Variants in PTPRN2 observed in about 807,000 individuals in gnomAD.
The protein encoded by PTPRN2 is protein tyrosine phosphatase receptor type N2.
Under a neutral mutation model 118.8 loss-of-function variants are expected in PTPRN2, and 74 were observed. The ratio of observed to expected loss-of-function variants is 0.62; its 90% CI spans 0.52 to 0.76. PTPRN2 has a LOEUF of 0.76. Ranked by LOEUF, PTPRN2 falls within the 30% of genes least tolerant of loss-of-function variation. PTPRN2 has a pLI of 0.00. For missense variants in PTPRN2, 1,481 were observed against 1,394.4 expected (o/e 1.06, Z -0.99); for synonymous variants, 641 against 608.0 (o/e 1.05, Z -0.80).
At chr7:158,568,633 C>G (rs1049143098) in intron 1 of PTPRN2, among the ~76,000 whole-genome samples, 5 of 152,116 alleles carry the variant, frequency 3.3e-5, no homozygotes, top group African/African-American at 1.2e-4. Flanking sequence ...ACAGCTTTCA[C>G]CTATCACACT....
chr7:157,584,492 T>G (rs1285914366), intron 17 of PTPRN2, among the ~76,000 whole-genome samples: 1 of 152,266 alleles, frequency 6.6e-6, no homozygotes, highest in Non-Finnish European at 1.5e-5. Flanking sequence ...CCTCCAGGAC[T>G]TGCTTAAATG....
intron 12 of PTPRN2, among the ~76,000 whole-genome samples, chr7:157,896,696 C>T (rs937005797): frequency 2.0e-5 from 3 of 151,898 alleles, no homozygotes; most frequent in Admixed American, 1.3e-4. Flanking sequence ...CCCAGGCTCA[C>T]GTGTGCGTAG....
intron 2 of PTPRN2, among the ~76,000 whole-genome samples, chr7:158,396,465 A>G (rs559001474): frequency 6.6e-6 from 1 of 150,378 alleles, no homozygotes; most frequent in Non-Finnish European, 1.5e-5. Flanking sequence ...ACGCGTGTAC[A>G]TGCATGTGAT....
chr7:157,551,716 C>CGTGT, intron 21 of PTPRN2, among the ~76,000 whole-genome samples: 1 of 144,246 alleles, frequency 6.9e-6, no homozygotes, highest in East Asian at 2.2e-4. Context: ...AGCCACCACA[C>CGTGT]ACCCCACAGC....
At chr7:157,759,400 C>T (rs544036471) in intron 12 of PTPRN2, among the ~76,000 whole-genome samples, 13 of 152,296 alleles carry the variant, frequency 8.5e-5, no homozygotes, top group South Asian at 2.1e-4. Context: ...GCGGGAACTC[C>T]GGCAGGTGGG....
At chr7:158,074,931 A>C (rs2128924983) in intron 11 of PTPRN2, among the ~76,000 whole-genome samples, 2 of 152,338 alleles carry the variant, frequency 1.3e-5, no homozygotes, top group Non-Finnish European at 2.9e-5. Flanking sequence ...GCAGTTTCCT[A>C]GCCCTTGGTT....
At chr7:157,803,106 G>A (rs1352971853) in intron 12 of PTPRN2, among the ~76,000 whole-genome samples, 9 of 151,972 alleles carry the variant, frequency 5.9e-5, no homozygotes, top group East Asian at 5.8e-4. Context: ...CTGGGATTAC[G>A]GGTGCCCGCC....
intron 2 of PTPRN2, among the ~76,000 whole-genome samples, chr7:158,469,034 G>C (rs13311458): frequency 0.62 from 85,277 of 137,672 alleles, 26,722 homozygotes; most frequent in Admixed American, 0.69. Context: ...CACACACTCC[G>C]GGTGGATCAA....
At chr7:157,633,144 C>CTT (rs113679613) in intron 14 of PTPRN2, among the ~76,000 whole-genome samples, 44 of 142,104 alleles carry the variant, frequency 3.1e-4, no homozygotes, top group African/African-American at 7.5e-4. Context: ...CTTTTCTTTT[C>CTT]TTTTTTTTTT....
intron 1 of PTPRN2, among the ~76,000 whole-genome samples, chr7:158,543,936 C>T (rs1427996782): frequency 6.6e-6 from 1 of 152,254 alleles, no homozygotes; most frequent in Non-Finnish European, 1.5e-5. Flanking sequence ...CAGCTCCGCA[C>T]TGTGGGTGGA....
intron 2 of PTPRN2, among the ~76,000 whole-genome samples, chr7:158,334,122 C>A (rs76628399): frequency 4.3e-3 from 73 of 16,944 alleles, no homozygotes; most frequent in South Asian, 8.5e-3. Flanking sequence ...TCACTCACAC[C>A]CACACTCTCA....
rs568198773 is a variant in PTPRN2 at position 157,656,699 on chromosome 7, C to T, written c.2002-148G>A. The stretch of plus-strand genomic sequence containing the variant: ...GAGAGTTTACCCCAGGGCAGGCCAG[C>T]GCAACATGACGGTCAACGCACCCCA... On this transcript the variant is annotated intron_variant, in intron 13 of 22. Coordinates refer to ENST00000389418, the MANE Select transcript of PTPRN2 (RefSeq NM_002847.5). 2.0e-4 allele frequency: 165 copies of T among 818,230 alleles called. No homozygotes were observed. The African/African-American group carries it at 2.2e-3, about 11-fold the overall frequency. 50.7% of individuals were successfully genotyped at this position (818,230 alleles called of 1,614,324 possible). A position where few individuals can be genotyped will look rare whatever the true frequency, so the allele number is the denominator to read the frequency against.
intron 3 of PTPRN2, among the ~76,000 whole-genome samples, chr7:158,251,541 A>G (rs1796665230): frequency 6.8e-6 from 1 of 146,740 alleles, no homozygotes; most frequent in Non-Finnish European, 1.5e-5. Flanking sequence ...GGGGGTGTGC[A>G]ATGGATGTCT....
intron 2 of PTPRN2, among the ~76,000 whole-genome samples, chr7:158,333,861 C>G (rs1207954794): frequency 7.0e-6 from 1 of 142,682 alleles, no homozygotes; most frequent in Non-Finnish European, 1.5e-5. Flanking sequence ...CACCCGCAGA[C>G]GTCACTCACA....
chr7:157,557,394 TAC>T (rs1798956123), intron 21 of PTPRN2, among the ~76,000 whole-genome samples: 1 of 151,694 alleles, frequency 6.6e-6, no homozygotes, highest in South Asian at 2.1e-4. Context: ...TACACATGCA[TAC>T]ACACAGAACA....
In PTPRN2 at chr7:157,627,510, C is replaced by T. The variant is rs140462112; in HGVS notation, c.2197-6001G>A. 2.0e-3 allele frequency among the ~76,000 whole-genome samples: 299 copies of T among 152,230 alleles called. No homozygotes were observed. Among genetic ancestry groups the T allele is most frequent in the African/African-American group, 6.9e-3 (286 of 41,540 alleles). ...TGTCTGTTCCCTGATCCTTAGGAAG[C>T]GTTTGGAGGTGTGTCTTTCGTCTTT... is the stretch of plus-strand genomic sequence containing the variant. On this transcript the variant is annotated intron_variant, in intron 14 of 22. Coordinates refer to ENST00000389418, the MANE Select transcript of PTPRN2 (RefSeq NM_002847.5). This position sits in a 1 kb window ranked among gnomAD's most constrained non-coding sequence, Gnocchi z 4.2.
intron 11 of PTPRN2, among the ~76,000 whole-genome samples, chr7:157,994,524 C>CCAGCTTA (rs544087177): frequency 8.2e-5 from 12 of 145,722 alleles, no homozygotes; most frequent in African/African-American, 2.5e-4. Flanking sequence ...CACCGCATCC[C>CCAGCTTA]CAGCTTACAG....
chr7:158,074,586 ACAGT>A lies in PTPRN2; in HGVS notation c.1723+6708_1723+6711del, dbSNP rs568910581. ...GGGTGAGCTCCCGTGGCCACCTGTG[ACAGT>A]CAGCCCCTCGCAGTAGACGTGCCGA... is the stretch of plus-strand genomic sequence containing the variant. On this transcript the variant is annotated intron_variant, in intron 11 of 22. Transcript: ENST00000389418. Among the ~76,000 whole-genome samples, 71 of 152,278 alleles carry A rather than the reference ACAGT, an allele frequency of 4.7e-4. 1 individual carries two copies. The highest frequency in any genetic ancestry group is 3.9e-3 in the East Asian group (20 of 5,176).
intron 5 of PTPRN2, among the ~76,000 whole-genome samples, chr7:158,171,165 CACAT>C (rs1823566070): frequency 7.1e-6 from 1 of 140,290 alleles, no homozygotes; most frequent in Admixed American, 7.2e-5. Flanking sequence ...TATATATACA[CACAT>C]ATATACACAT....
Sources: allele counts gnomAD v4.1 joint callset (sites outside exome capture counted in the v4.1 genomes callset), GRCh38; gene constraint gnomAD v4.1.1; non-coding constraint Gnocchi (gnomAD v3.1); transcripts MANE v1.5; gene names NCBI Gene and HGNC (gene_info 2026-07-23, HGNC 2026-07-21).